COL22A1: variants seen among roughly 807,000 people sequenced by gnomAD.
COL22A1 encodes the protein collagen type XXII alpha 1 chain.
A neutral mutation model predicts 248.9 loss-of-function variants in COL22A1; 221 were observed. The observed-to-expected ratio is 0.89, with a 90% confidence interval of 0.80 to 0.99. The LOEUF (loss-of-function observed/expected upper bound fraction) is 0.99. Among genes scored for constraint, COL22A1 ranks in the 50% least tolerant of loss-of-function variants. COL22A1 has a pLI of 0.00. For synonymous variants in COL22A1, 891 were observed against 793.4 expected, an observed-to-expected ratio of 1.12 and a Z score of -2.07; for missense variants, 2,240 against 2,179.0, an observed-to-expected ratio of 1.03 and a Z score of -0.56.
chr8:138,833,154 T>C lies in COL22A1; in HGVS notation c.734-4A>G. On this transcript the variant is annotated splice_polypyrimidine_tract_variant and splice_region_variant and intron_variant, in intron 4 of 64. Coordinates refer to ENST00000303045, the MANE Select transcript of COL22A1 (RefSeq NM_152888.3). ...AACAAATCCATCAGGTCAAAACCTGTACAAAGAGAAGAGCTGGGAGTGAGT... is the reference window on the plus strand; with the variant it reads ...AACAAATCCATCAGGTCAAAACCTGCACAAAGAGAAGAGCTGGGAGTGAGT... The C allele has an allele frequency of 1.3e-6, 2 of 1,594,524 alleles. No individual in the cohort carries two copies. The highest frequency in any genetic ancestry group is 1.7e-5 in the Admixed American group (1 of 59,988).
At chr8:138,864,160 T>C (rs1191154250) in intron 3 of COL22A1, among the ~76,000 whole-genome samples, 2 of 152,072 alleles carry the variant, frequency 1.3e-5, no homozygotes, top group Non-Finnish European at 2.9e-5. Context: ...CTTCAGGATC[T>C]GGACCTTGGA....
chr8:138,809,197 C>G (rs922520257), intron 9 of COL22A1, among the ~76,000 whole-genome samples: 8 of 152,164 alleles, frequency 5.3e-5, no homozygotes, highest in South Asian at 2.1e-4. Context: ...CTTCTCACCC[C>G]CCTGTGCTTG....
chr8:138,620,974 C>T lies in COL22A1; in HGVS notation c.3772-1466G>A, dbSNP rs145093370. ...CCATCCATCCATCCATCCATCCATC[C>T]ATCCATCCATCCATCCATCCACCCA... On this transcript the variant is annotated intron_variant, in intron 52 of 64. Coordinates refer to ENST00000303045, the MANE Select transcript of COL22A1 (RefSeq NM_152888.3). 8.3e-3 allele frequency among the ~76,000 whole-genome samples: 968 copies of T among 116,652 alleles called. 10 individuals are homozygous for T. Among genetic ancestry groups the T allele is most frequent in the African/African-American group, 0.026 (930 of 36,394 alleles). The allele number at this position is 116,652 out of a possible 152,430, so 76.5% of individuals were successfully genotyped here. A position where few individuals can be genotyped will look rare whatever the true frequency, so the allele number is the denominator to read the frequency against.
chr8:138,644,314 T>G (rs1822006249), intron 47 of COL22A1, among the ~76,000 whole-genome samples: 1 of 152,194 alleles, frequency 6.6e-6, no homozygotes, highest in South Asian at 2.1e-4. Context: ...ATTAAAGTAT[T>G]ATTTACCTAG....
At chr8:138,881,909 G>C (rs1037777884) in intron 2 of COL22A1, among the ~76,000 whole-genome samples, 1 of 152,118 alleles carries the variant, frequency 6.6e-6, no homozygotes, top group African/African-American at 2.4e-5. Context: ...CAGGGCAGGG[G>C]CCCTCATACA....
At chr8:138,864,422 G>A (rs148536580) in intron 3 of COL22A1, among the ~76,000 whole-genome samples, 15 of 151,950 alleles carry the variant, frequency 9.9e-5, no homozygotes, top group African/African-American at 3.1e-4. Flanking sequence ...AGGCCAGGCC[G>A]CGGACTGGGG....
chr8:138,635,886 C>A (rs1026396998), intron 48 of COL22A1, among the ~76,000 whole-genome samples: 1 of 152,170 alleles, frequency 6.6e-6, no homozygotes, highest in East Asian at 1.9e-4. Flanking sequence ...CATCTCACTG[C>A]CTGTGGGTTA....
At chr8:138,720,913 T>C in intron 26 of COL22A1, 121 bp from the exon 27 acceptor site, 1 of 793,914 alleles carries the variant, frequency 1.3e-6, no homozygotes, top group Non-Finnish European at 2.2e-6. Context: ...TTTGAACTGC[T>C]TCAACTCTGC....
intron 26 of COL22A1, 86 bp downstream of exon 26, chr8:138,721,947 CTTG>C (rs774991745): frequency 1.2e-5 from 13 of 1,041,640 alleles, no homozygotes; most frequent in Middle Eastern, 2.0e-4. Flanking sequence ...AGGCAATTGA[CTTG>C]TTGTAGAATT....
intron 35 of COL22A1, among the ~76,000 whole-genome samples, chr8:138,692,529 C>G (rs1306462122): frequency 6.8e-6 from 1 of 147,946 alleles, no homozygotes; most frequent in African/African-American, 2.5e-5. Context: ...ACTGGAAAAT[C>G]AGGTAAGAAG....
intron 43 of COL22A1, among the ~76,000 whole-genome samples, chr8:138,661,426 C>T (rs1823948111): frequency 1.3e-5 from 2 of 152,202 alleles, no homozygotes; most frequent in African/African-American, 2.4e-5. Context: ...TCATGGTTGT[C>T]ATTTACCATT....
chr8:138,639,482 AAAAACC>A (rs781139481), intron 47 of COL22A1, among the ~76,000 whole-genome samples: 5 of 150,654 alleles, frequency 3.3e-5, no homozygotes, highest in Admixed American at 6.6e-5. Flanking sequence ...TGAAACAGAT[AAAAACC>A]ATGTGCACTG....
intron 59 of COL22A1, among the ~76,000 whole-genome samples, chr8:138,603,615 C>T (rs1010153238): frequency 3.3e-5 from 5 of 152,122 alleles, no homozygotes; most frequent in Admixed American, 2.0e-4. Flanking sequence ...ATGGGGCTGA[C>T]GCAGCCCTCA....
intron 9 of COL22A1, among the ~76,000 whole-genome samples, chr8:138,811,268 T>C (rs1298186228): frequency 8.0e-5 from 9 of 111,834 alleles, no homozygotes; most frequent in Admixed American, 6.5e-4. Context: ...TACATATATA[T>C]ATATACACAC....
intron 56 of COL22A1, among the ~76,000 whole-genome samples, chr8:138,612,296 G>A (rs1438477142): frequency 6.6e-6 from 1 of 152,022 alleles, no homozygotes; most frequent in Non-Finnish European, 1.5e-5. Flanking sequence ...GATGGCCCCT[G>A]GGCTTAAATG....
chr8:138,791,207 A>C (rs989287737), intron 12 of COL22A1, among the ~76,000 whole-genome samples: 1 of 152,238 alleles, frequency 6.6e-6, no homozygotes, highest in Non-Finnish European at 1.5e-5. Flanking sequence ...TGACTGGATT[A>C]GAAGCACCCC....
chr8:138,799,432 A>G (rs1172559356), intron 11 of COL22A1, among the ~76,000 whole-genome samples: 3 of 152,176 alleles, frequency 2.0e-5, no homozygotes. Context: ...CAATATAGCA[A>G]TCCTGGATAT....
chr8:138,762,545 C>T (rs905107809), intron 16 of COL22A1, 79 bp from the exon 17 acceptor site: 32 of 1,348,110 alleles, frequency 2.4e-5, no homozygotes, highest in Admixed American at 7.0e-5. Flanking sequence ...CCACAGTGAC[C>T]GTCATGGACA....
intron 1 of COL22A1, among the ~76,000 whole-genome samples, chr8:138,902,762 A>ACACACACACG (rs1814707778): frequency 1.3e-5 from 2 of 150,210 alleles, no homozygotes; most frequent in Non-Finnish European, 3.0e-5. Flanking sequence ...ACACACACAC[A>ACACACACACG]CACACACACA....
Sources: allele counts gnomAD v4.1 joint callset (sites outside exome capture counted in the v4.1 genomes callset), GRCh38; gene constraint gnomAD v4.1.1; transcripts MANE v1.5; gene names NCBI Gene and HGNC (gene_info 2026-07-23, HGNC 2026-07-21).